Variants in ARHGAP18 observed in about 807,000 individuals in gnomAD.
ARHGAP18 encodes rho GTPase-activating protein 18.
A neutral mutation model predicts 86.2 loss-of-function variants in ARHGAP18; 67 were observed. The ratio of observed to expected loss-of-function variants is 0.78; its 90% confidence interval spans 0.64 to 0.95. The LOEUF (loss-of-function observed/expected upper bound fraction) is 0.95. ARHGAP18 is among the 40% of genes least tolerant of loss of function. ARHGAP18 has a pLI of 0.00. For synonymous variants in ARHGAP18, 283 were observed against 280.4 expected, an observed-to-expected ratio of 1.01 and a Z score of -0.09; for missense variants, 691 against 780.4, an observed-to-expected ratio of 0.89 and a Z score of 1.37.
intron 5 of ARHGAP18, among the ~76,000 whole-genome samples, chr6:129,622,016 G>A (rs1377944101): frequency 6.6e-6 from 1 of 152,156 alleles, no homozygotes; most frequent in Non-Finnish European, 1.5e-5. Context: ...AGGTGTTGAT[G>A]TGGTACTGTG....
At chr6:129,695,260 A>T (rs1464855794) in intron 1 of ARHGAP18, among the ~76,000 whole-genome samples, 3 of 143,816 alleles carry the variant, frequency 2.1e-5, no homozygotes, top group Non-Finnish European at 4.6e-5. Flanking sequence ...CCTGCAGTAA[A>T]CTATTTTTTT....
At chr6:129,690,106 A>G (rs1329763159) in intron 1 of ARHGAP18, among the ~76,000 whole-genome samples, 1 of 151,150 alleles carries the variant, frequency 6.6e-6, no homozygotes, top group African/African-American at 2.4e-5. Flanking sequence ...ATCAACATAA[A>G]TGTTCTGCCC....
chr6:129,707,343 A>G (rs1420164020), intron 1 of ARHGAP18, among the ~76,000 whole-genome samples: 1 of 152,260 alleles, frequency 6.6e-6, no homozygotes, highest in Non-Finnish European at 1.5e-5. Context: ...TGGATTAAAT[A>G]TTTCAAAGAA....
intron 1 of ARHGAP18, among the ~76,000 whole-genome samples, chr6:129,707,097 G>C (rs958876034): frequency 2.0e-5 from 3 of 151,804 alleles, no homozygotes; most frequent in Non-Finnish European, 4.4e-5. Flanking sequence ...GCCAGGCGTG[G>C]TGGTGCATGC....
intron 1 of ARHGAP18, among the ~76,000 whole-genome samples, chr6:129,695,468 T>C (rs1774600343): frequency 6.6e-6 from 1 of 152,230 alleles, no homozygotes; most frequent in Non-Finnish European, 1.5e-5. Flanking sequence ...GATGTGTAAA[T>C]AGCTATAAGA....
intron 4 of ARHGAP18, among the ~76,000 whole-genome samples, chr6:129,632,241 TTGGA>T (rs528401236): frequency 7.9e-5 from 12 of 152,226 alleles, no homozygotes; most frequent in Non-Finnish European, 1.8e-4. Flanking sequence ...ACTCAGTGAC[TTGGA>T]TGGCATCACA....
chr6:129,593,678 G>GT (rs777084624), intron 12 of ARHGAP18, among the ~76,000 whole-genome samples: 1 of 152,026 alleles, frequency 6.6e-6, no homozygotes, highest in Non-Finnish European at 1.5e-5. Flanking sequence ...AGATGTGTGT[G>GT]TTATCAATCC....
intron 1 of ARHGAP18, among the ~76,000 whole-genome samples, chr6:129,645,854 C>T (rs1773567837): frequency 6.6e-6 from 1 of 152,146 alleles, no homozygotes; most frequent in South Asian, 2.1e-4. Flanking sequence ...ATCTTGCTAG[C>T]ATGTCCTCCA....
At chr6:129,638,989 T>C (rs2114497009) in intron 2 of ARHGAP18, among the ~76,000 whole-genome samples, 1 of 152,338 alleles carries the variant, frequency 6.6e-6, no homozygotes, top group Middle Eastern at 3.4e-3. Flanking sequence ...GGGCTATATA[T>C]TAAGCCCAGT....
chr6:129,598,483 G>A (rs1788665334), intron 12 of ARHGAP18, among the ~76,000 whole-genome samples: 1 of 152,110 alleles, frequency 6.6e-6, no homozygotes, highest in African/African-American at 2.4e-5. Flanking sequence ...GTAGGGAGGA[G>A]GTGGATTCAC....
chr6:129,627,139 A>G (rs552604695), intron 5 of ARHGAP18, among the ~76,000 whole-genome samples: 6 of 152,264 alleles, frequency 3.9e-5, no homozygotes, highest in African/African-American at 1.4e-4. Context: ...AAATATATAT[A>G]ATTCCGTGAG....
chr6:129,614,195 A>T (rs1004201792), intron 7 of ARHGAP18, among the ~76,000 whole-genome samples: 25 of 152,226 alleles, frequency 1.6e-4, no homozygotes, highest in African/African-American at 6.0e-4. Context: ...AAGCTCAAAA[A>T]TTAAATTATA....
At chr6:129,703,977 A>AAT (rs1208915545) in intron 1 of ARHGAP18, among the ~76,000 whole-genome samples, 1 of 123,318 alleles carries the variant, frequency 8.1e-6, no homozygotes, top group African/African-American at 3.0e-5. Flanking sequence ...ACAACAAAAA[A>AAT]ATATATATAT....
At chr6:129,626,300 A>T (rs1166200427) in intron 5 of ARHGAP18, among the ~76,000 whole-genome samples, 2 of 151,856 alleles carry the variant, frequency 1.3e-5, no homozygotes, top group African/African-American at 2.4e-5. Context: ...GGTGGAAGAA[A>T]CTGTGCATAG....
chr6:129,591,067 A>T (rs145437253), intron 12 of ARHGAP18, among the ~76,000 whole-genome samples: 1 of 152,214 alleles, frequency 6.6e-6, no homozygotes, highest in Non-Finnish European at 1.5e-5. Context: ...AAGATGATAA[A>T]CAATAAATTA....
chr6:129,598,115 A>G (rs1218172964), intron 12 of ARHGAP18, among the ~76,000 whole-genome samples: 1 of 152,296 alleles, frequency 6.6e-6, no homozygotes, highest in South Asian at 2.1e-4. Flanking sequence ...TCACATATTT[A>G]CAATGGTCTT....
At chr6:129,655,331 AAAAAAAAAAAGAAAAG>A (rs1773807963) in intron 1 of ARHGAP18, among the ~76,000 whole-genome samples, 1 of 140,254 alleles carries the variant, frequency 7.1e-6, no homozygotes, top group Admixed American at 7.0e-5. Context: ...AAAAAAAAAA[AAAAAAAAAAAGAAAAG>A]AAAAGAAAAG....
At chr6:129,631,830 A>G (rs534079231) in intron 4 of ARHGAP18, among the ~76,000 whole-genome samples, 1 of 152,188 alleles carries the variant, frequency 6.6e-6, no homozygotes, top group African/African-American at 2.4e-5. Flanking sequence ...ATACATATCA[A>G]TATAAAAGTT....
chr6:129,710,068 G>T lies in ARHGAP18; in HGVS notation c.69C>A (p.Thr23=). The T allele has an allele frequency of 1.2e-6, 2 of 1,614,088 alleles. No individual in the cohort carries two copies. The highest frequency in any genetic ancestry group is 1.7e-6 in the Non-Finnish European group (2 of 1,179,962). Residue 23 remains threonine (T), a synonymous_variant, in exon 1 of 15, where the codon ACC becomes ACA. Coordinates refer to ENST00000368149, the MANE Select transcript of ARHGAP18 (RefSeq NM_033515.3). The part of the protein sequence containing the change: ...TAYHPSGKDQ[T]VGNSHAKAGE... ...CTGCCTTTGCATGGCTGTTCCCGAC[G>T]GTCTGGTCCTTGCCGCTGGGGTGGT...
Sources: allele counts gnomAD v4.1 joint callset (sites outside exome capture counted in the v4.1 genomes callset), GRCh38; gene constraint gnomAD v4.1.1; transcripts MANE v1.5; gene names NCBI Gene and HGNC (gene_info 2026-07-23, HGNC 2026-07-21).